The following CHN1 variants were observed in gnomAD, a reference collection of about 807,000 sequenced individuals.
CHN1 encodes N-chimaerin.
CHN1 carries 37 observed loss-of-function variants against 59.5 expected under a neutral mutation model. The ratio of observed to expected loss-of-function variants is 0.62; its 90% CI spans 0.48 to 0.82. The LOEUF (loss-of-function observed/expected upper bound fraction) is 0.82, where lower values mean the gene tolerates loss of function less well. Ranked by LOEUF, CHN1 falls within the 40% of genes least tolerant of loss-of-function variation. The pLI is 0.00. For missense variants in CHN1, 469 were observed against 571.0 expected, an observed-to-expected ratio of 0.82 and a Z score of 1.82; for synonymous variants, 206 against 200.4, an observed-to-expected ratio of 1.03 and a Z score of -0.24.
intron 6 of CHN1, among the ~76,000 whole-genome samples, chr2:174,851,729 C>T (rs553544635): frequency 5.9e-5 from 9 of 152,144 alleles, no homozygotes; most frequent in Non-Finnish European, 1.3e-4. Flanking sequence ...ACTATAAAAA[C>T]GGTAAGGAGG....
At chr2:174,971,283 AC>A (rs1331052714) in intron 1 of CHN1, among the ~76,000 whole-genome samples, 19 of 152,310 alleles carry the variant, frequency 1.2e-4, no homozygotes, top group Non-Finnish European at 2.2e-4. Flanking sequence ...GTGCCACTGC[AC>A]TCCAGCCTGG....
intron 6 of CHN1, among the ~76,000 whole-genome samples, chr2:174,856,061 T>G (rs1053827858): frequency 6.6e-6 from 1 of 152,140 alleles, no homozygotes; most frequent in Non-Finnish European, 1.5e-5. Context: ...CTTTTACTAC[T>G]GCTGTATTTG....
At chr2:174,980,208 AG>A (rs1448880131) in intron 1 of CHN1, among the ~76,000 whole-genome samples, 1 of 152,194 alleles carries the variant, frequency 6.6e-6, no homozygotes, top group Non-Finnish European at 1.5e-5. Flanking sequence ...TAATTCACCC[AG>A]GGAATTACTC....
chr2:174,952,849 T>G (rs1400446011), intron 1 of CHN1, among the ~76,000 whole-genome samples: 1 of 152,096 alleles, frequency 6.6e-6, no homozygotes, highest in Non-Finnish European at 1.5e-5. Context: ...GTTGCCTGAG[T>G]GCAGATGTAG....
At chr2:174,911,859 C>A (rs1214723497) in intron 5 of CHN1, among the ~76,000 whole-genome samples, 1 of 152,108 alleles carries the variant, frequency 6.6e-6, no homozygotes, top group African/African-American at 2.4e-5. Context: ...CTGATCACAC[C>A]ATCAGATTTT....
At chr2:174,946,563 A>G (rs35101684) in intron 2 of CHN1, among the ~76,000 whole-genome samples, 54 of 152,324 alleles carry the variant, frequency 3.5e-4, no homozygotes, top group African/African-American at 1.3e-3. Context: ...GTGAGAGTTA[A>G]TAAGAAATAT....
chr2:174,804,019 G>A (rs1358300591), intron 11 of CHN1, among the ~76,000 whole-genome samples: 3 of 152,164 alleles, frequency 2.0e-5, no homozygotes, highest in African/African-American at 7.2e-5. Flanking sequence ...GAGCTTACTT[G>A]CTACTGAGGG....
chr2:174,873,471 G>A (rs1329803979), intron 6 of CHN1, among the ~76,000 whole-genome samples: 1 of 152,152 alleles, frequency 6.6e-6, no homozygotes, highest in African/African-American at 2.4e-5. Context: ...CCTTACTGCT[G>A]ATTTCTACAC....
intron 1 of CHN1, among the ~76,000 whole-genome samples, chr2:174,980,052 T>A (rs757894499): frequency 2.6e-4 from 39 of 152,162 alleles, no homozygotes; most frequent in Admixed American, 5.2e-4. Context: ...AGAGTAGAAA[T>A]GCTTCTGTAA....
At chr2:174,967,663 A>T (rs1690636185) in intron 1 of CHN1, among the ~76,000 whole-genome samples, 1 of 152,214 alleles carries the variant, frequency 6.6e-6, no homozygotes, top group Admixed American at 6.5e-5. Context: ...AATCAACTAT[A>T]CTTTTAGTGG....
intron 11 of CHN1, among the ~76,000 whole-genome samples, chr2:174,804,999 C>A (rs764394264): frequency 5.3e-5 from 8 of 152,184 alleles, no homozygotes; most frequent in Non-Finnish European, 1.0e-4. Context: ...TTACCCATTA[C>A]CATTTTTTAT....
intron 6 of CHN1, chr2:174,847,279 G>A (rs11556876): frequency 1.4e-5 from 19 of 1,369,212 alleles, no homozygotes; most frequent in Non-Finnish European, 1.8e-5. Context: ...TGGAGGAGGA[G>A]GATGAAGCAC....
intron 5 of CHN1, among the ~76,000 whole-genome samples, chr2:174,886,847 T>C (rs1254382601): frequency 3.9e-5 from 6 of 152,188 alleles, no homozygotes; most frequent in Non-Finnish European, 8.8e-5. Context: ...AAAAATCAGT[T>C]TATTAATGTA....
rs760310922 is a variant in CHN1, at chr2:174,811,612, T to A, written c.887-24A>T. 7 of 1,470,714 alleles carry A rather than the reference T, an allele frequency of 4.8e-6. 1 individual carries two copies. In the East Asian group the frequency reaches 9.1e-5, roughly 19 times the overall value. 91.1% of individuals were successfully genotyped at this position (1,470,714 alleles called of 1,614,324 possible). A position where few individuals can be genotyped will look rare whatever the true frequency, so the allele number is the denominator to read the frequency against. ...ACCTGAAAAATAAAACTAGTTAGTT[T>A]CTTTGAATTATGCCTTTTCTTCAGA... On this transcript the variant is annotated intron_variant, in intron 9 of 12. Transcript: ENST00000409900.
chr2:174,935,405 T>C (rs561144075), intron 3 of CHN1, among the ~76,000 whole-genome samples: 17 of 152,344 alleles, frequency 1.1e-4, no homozygotes, highest in African/African-American at 4.1e-4. Flanking sequence ...ATATAGGTAT[T>C]AATGCACACA....
intron 1 of CHN1, among the ~76,000 whole-genome samples, chr2:174,981,843 C>T (rs7590187): frequency 0.3 from 46,330 of 151,918 alleles, 8,203 homozygotes; most frequent in Admixed American, 0.44. Flanking sequence ...ATGTGCACAA[C>T]GTGCAGGTTT....
chr2:174,867,443 G>A (rs1687257778), intron 6 of CHN1, among the ~76,000 whole-genome samples: 2 of 151,830 alleles, frequency 1.3e-5, no homozygotes, highest in South Asian at 4.2e-4. Flanking sequence ...GGGAAAAAGA[G>A]TACTGGTTAC....
chr2:174,915,528 C>T (rs1162536661), intron 4 of CHN1, among the ~76,000 whole-genome samples: 2 of 138,088 alleles, frequency 1.4e-5, no homozygotes, highest in Non-Finnish European at 3.2e-5. Flanking sequence ...AAAAAAAAAA[C>T]GCAGAAAATG....
At chr2:174,832,662 G>A (rs558284224) in intron 7 of CHN1, among the ~76,000 whole-genome samples, 1 of 152,036 alleles carries the variant, frequency 6.6e-6, no homozygotes, top group African/African-American at 2.4e-5. Context: ...GTTGTGGTTG[G>A]AGGATATGCT....
Sources: allele counts gnomAD v4.1 joint callset (sites outside exome capture counted in the v4.1 genomes callset), GRCh38; gene constraint gnomAD v4.1.1; transcripts MANE v1.5; gene names NCBI Gene and HGNC (gene_info 2026-07-23, HGNC 2026-07-21).